ENTHD1: variants seen among roughly 807,000 people sequenced by gnomAD.
ENTHD1 encodes ENTH domain-containing protein 1.
In ENTHD1, 23 loss-of-function variants were observed where a neutral mutation model predicts 39.1. That is an observed-to-expected ratio of 0.59 (90% CI 0.42 to 0.83). The LOEUF is 0.83. Among genes scored for constraint, ENTHD1 ranks in the 40% least tolerant of loss-of-function variants. The pLI is 0.00. For missense variants in ENTHD1, 624 were observed against 705.4 expected, an observed-to-expected ratio of 0.88 and a Z score of 1.31; for synonymous variants, 230 against 258.2, an observed-to-expected ratio of 0.89 and a Z score of 1.05.
intron 1 of ENTHD1, among the ~76,000 whole-genome samples, chr22:39,890,986 C>G (rs1333015802): frequency 6.6e-6 from 1 of 152,204 alleles, no homozygotes; most frequent in Non-Finnish European, 1.5e-5. Flanking sequence ...ATGCTGTTTA[C>G]ATACAGCATC....
chr22:39,885,905 A>C (rs1456649591), intron 2 of ENTHD1, among the ~76,000 whole-genome samples: 2 of 152,196 alleles, frequency 1.3e-5, no homozygotes, highest in Non-Finnish European at 2.9e-5. Context: ...AACACTGTGA[A>C]TGTAATTAAT....
intron 5 of ENTHD1, among the ~76,000 whole-genome samples, chr22:39,797,762 C>T (rs1171786629): frequency 1.3e-5 from 2 of 152,166 alleles, no homozygotes; most frequent in African/African-American, 4.8e-5. Flanking sequence ...AATATATCAA[C>T]TCAATCTCTG....
At chr22:39,780,998 C>CAAAAAAAAAAAAAAAA (rs370342913) in intron 5 of ENTHD1, among the ~76,000 whole-genome samples, 1 of 124,896 alleles carries the variant, frequency 8.0e-6, no homozygotes, top group Non-Finnish European at 1.7e-5. Flanking sequence ...GACTCCATCT[C>CAAAAAAAAAAAAAAAA]AAAAAAAAAA....
At chr22:39,801,768 G>T (rs774467465) in intron 5 of ENTHD1, among the ~76,000 whole-genome samples, 2 of 151,888 alleles carry the variant, frequency 1.3e-5, no homozygotes, top group Non-Finnish European at 2.9e-5. Context: ...TAAGGGACTG[G>T]GCATGTTTGT....
chr22:39,840,417 A>G (rs2065934914), intron 3 of ENTHD1, among the ~76,000 whole-genome samples: 1 of 152,220 alleles, frequency 6.6e-6, no homozygotes. Flanking sequence ...GAGATATCAA[A>G]CTGACGTTCA....
At chr22:39,872,923 G>A (rs2066255868) in intron 2 of ENTHD1, among the ~76,000 whole-genome samples, 2 of 150,984 alleles carry the variant, frequency 1.3e-5, no homozygotes, top group Admixed American at 6.6e-5. Flanking sequence ...TCAAACTCTT[G>A]GGCTCAAGCT....
At chr22:39,875,519 T>C (rs1258838653) in intron 2 of ENTHD1, 11 of 1,604,022 alleles carry the variant, frequency 6.9e-6, no homozygotes, top group Non-Finnish European at 7.7e-6. Flanking sequence ...TGCTTCTGTT[T>C]GTTATTCCCA....
chr22:39,770,069 G>A (rs191841608), intron 5 of ENTHD1, among the ~76,000 whole-genome samples: 22 of 152,220 alleles, frequency 1.4e-4, no homozygotes, highest in Admixed American at 1.0e-3. Context: ...GTTGTTGCTC[G>A]GAAAGTTAAA....
At chr22:39,744,639 G>A (rs1418266163) in intron 6 of ENTHD1, among the ~76,000 whole-genome samples, 2 of 152,152 alleles carry the variant, frequency 1.3e-5, no homozygotes, top group African/African-American at 4.8e-5. Flanking sequence ...AGCATTTTAA[G>A]TTGGTATTTA....
intron 2 of ENTHD1, among the ~76,000 whole-genome samples, chr22:39,866,095 A>G (rs780761627): frequency 1.3e-5 from 2 of 152,238 alleles, no homozygotes; most frequent in Non-Finnish European, 1.5e-5. Context: ...CCATGGCCAT[A>G]GGGTGTGATG....
chr22:39,756,314 T>TCACA (rs879290501), intron 6 of ENTHD1, among the ~76,000 whole-genome samples: 22 of 144,178 alleles, frequency 1.5e-4, no homozygotes, highest in Non-Finnish European at 2.0e-4. Context: ...TCTCTCTCTC[T>TCACA]CTCACACACA....
At chr22:39,869,872 A>G (rs1462634232) in intron 2 of ENTHD1, among the ~76,000 whole-genome samples, 1 of 151,986 alleles carries the variant, frequency 6.6e-6, no homozygotes, top group African/African-American at 2.4e-5. Context: ...ATCAATTAAA[A>G]TCCTAGAAAT....
At chr22:39,840,551 G>T (rs2065935789) in intron 3 of ENTHD1, among the ~76,000 whole-genome samples, 1 of 152,126 alleles carries the variant, frequency 6.6e-6, no homozygotes, top group Non-Finnish European at 1.5e-5. Context: ...TAGGTGTAAT[G>T]TAAGTGAATT....
chr22:39,869,020 T>C (rs755447254), intron 2 of ENTHD1, among the ~76,000 whole-genome samples: 2 of 152,212 alleles, frequency 1.3e-5, no homozygotes, highest in African/African-American at 2.4e-5. Flanking sequence ...ATACTACTGG[T>C]GGGAATGTAA....
At chr22:39,828,023 A>G (rs976226159) in intron 4 of ENTHD1, among the ~76,000 whole-genome samples, 3 of 152,254 alleles carry the variant, frequency 2.0e-5, no homozygotes, top group Non-Finnish European at 2.9e-5. Context: ...CTAAAAAAGC[A>G]TATCTTGAAA....
At chr22:39,845,981 G>T (rs1361421856) in intron 3 of ENTHD1, among the ~76,000 whole-genome samples, 1 of 151,132 alleles carries the variant, frequency 6.6e-6, no homozygotes, top group Non-Finnish European at 1.5e-5. Flanking sequence ...CATATAATCT[G>T]TTCCAATGGA....
At chr22:39,799,655 T>A (rs1183451167) in intron 5 of ENTHD1, among the ~76,000 whole-genome samples, 2 of 152,214 alleles carry the variant, frequency 1.3e-5, no homozygotes, top group East Asian at 1.9e-4. Flanking sequence ...CTCCAGCCCA[T>A]TCGTCCAGTG....
intron 5 of ENTHD1, among the ~76,000 whole-genome samples, chr22:39,817,152 G>A (rs2065740302): frequency 6.6e-6 from 1 of 152,118 alleles, no homozygotes; most frequent in Non-Finnish European, 1.5e-5. Flanking sequence ...TGAATAGGCT[G>A]CAAACCAGGC....
chr22:39,852,357 T>A (rs1464029581), intron 3 of ENTHD1, among the ~76,000 whole-genome samples: 1 of 152,118 alleles, frequency 6.6e-6, no homozygotes, highest in African/African-American at 2.4e-5. Context: ...ACAAAAAAGA[T>A]GCCTAGAATT....
Sources: allele counts gnomAD v4.1 joint callset (sites outside exome capture counted in the v4.1 genomes callset), GRCh38; gene constraint gnomAD v4.1.1; transcripts MANE v1.5; gene names NCBI Gene and HGNC (gene_info 2026-07-23, HGNC 2026-07-21).